The following KLHL28 variants were observed in gnomAD, a reference collection of about 807,000 sequenced individuals.
The protein encoded by KLHL28 is kelch-like protein 28.
In KLHL28, 22 loss-of-function variants were observed where a neutral mutation model predicts 48.3. The ratio of observed to expected loss-of-function variants is 0.46; its 90% CI spans 0.33 to 0.65. The LOEUF (loss-of-function observed/expected upper bound fraction) is 0.65. KLHL28 is among the 30% of genes least tolerant of loss of function. The probability of loss-of-function intolerance (pLI) is 0.03; values close to 1 mark genes in which losing one functional copy is unlikely to be tolerated. For synonymous variants in KLHL28, 243 were observed against 242.4 expected (o/e 1.00, Z -0.02); for missense variants, 527 against 704.3 (o/e 0.75, Z 2.85).
At chr14:44,951,527 G>C (rs1884579186) in intron 1 of KLHL28, among the ~76,000 whole-genome samples, 1 of 152,176 alleles carries the variant, frequency 6.6e-6, no homozygotes, top group Non-Finnish European at 1.5e-5. Context: ...TAGTAAGTAA[G>C]ACATTCTATT....
intron 2 of KLHL28, among the ~76,000 whole-genome samples, chr14:44,935,361 T>C (rs1883764322): frequency 6.6e-6 from 1 of 152,232 alleles, no homozygotes; most frequent in Non-Finnish European, 1.5e-5. Context: ...TTGAACTGGT[T>C]TGTAATGTTT....
chr14:44,937,785 G>A (rs540716707), intron 2 of KLHL28, among the ~76,000 whole-genome samples: 1 of 152,166 alleles, frequency 6.6e-6, no homozygotes, highest in Non-Finnish European at 1.5e-5. Context: ...TCTCATGGTA[G>A]AAGACATCAC....
chr14:44,934,462 T>C lies in KLHL28; in HGVS notation c.996A>G (p.Lys332=). 1 of 1,613,884 alleles carries C rather than the reference T, an allele frequency of 6.2e-7. No homozygotes were observed. The highest frequency in any genetic ancestry group is 8.5e-7 in the Non-Finnish European group (1 of 1,179,828). The change falls in exon 3 of 5, where the codon AAA becomes AAG. Residue 332 remains lysine (K), a synonymous_variant. Coordinates refer to ENST00000396128, the MANE Select transcript of KLHL28 (RefSeq NM_017658.5). The stretch of plus-strand genomic sequence containing the variant: ...TTGCAATACCACCTATAACATATAC[T>C]TTTTGGTCTAAAACGCATATTCCAA... ...YEFGICVLDQ[K]VYVIGGIATN... is the part of the protein sequence containing the mutation.
chr14:44,948,036 C>G (rs1259708359), intron 1 of KLHL28, among the ~76,000 whole-genome samples: 1 of 152,038 alleles, frequency 6.6e-6, no homozygotes, highest in Non-Finnish European at 1.5e-5. Flanking sequence ...CAGTGTTGAT[C>G]TTTTTAACCT....
rs371237149 is a variant in KLHL28 at position 44,926,800 on chromosome 14, G to C, written c.*2228C>G. 6.6e-6 allele frequency: 1 copy of C among 152,134 alleles called. No homozygotes were observed. The highest frequency in any genetic ancestry group is 6.6e-5 in the Admixed American group (1 of 15,256). 9.4% of individuals were successfully genotyped at this position (152,134 alleles called of 1,614,324 possible). A position where few individuals can be genotyped will look rare whatever the true frequency, so the allele number is the denominator to read the frequency against. On this transcript the variant is annotated 3_prime_UTR_variant, in exon 5 of 5. Coordinates refer to ENST00000396128, the MANE Select transcript of KLHL28 (RefSeq NM_017658.5). ...TGGGATTACAGGCGTGAGCCACTGCGCCCGTCCTAAAATCATTTTCCACAG... is the reference window on the plus strand; with the variant it reads ...TGGGATTACAGGCGTGAGCCACTGCCCCCGTCCTAAAATCATTTTCCACAG...
At position 44,928,894 on chromosome 14, in the gene KLHL28, A is replaced by G; in HGVS notation, c.*134T>C. On this transcript the variant is annotated 3_prime_UTR_variant, in exon 5 of 5. Coordinates refer to ENST00000396128, the MANE Select transcript of KLHL28 (RefSeq NM_017658.5). ...ACTTCTCAATTAAAAGTACCCAACA[A>G]AACTTTTGAGCCTTCATGCTACTTC... The G allele has an allele frequency of 1.4e-6, 1 of 692,834 alleles. No homozygotes were observed. Among genetic ancestry groups the G allele is most frequent in the African/African-American group, 1.8e-5 (1 of 55,208 alleles). The allele number at this position is 692,834 out of a possible 1,614,324, so 42.9% of individuals were successfully genotyped here. A position where few individuals can be genotyped will look rare whatever the true frequency, so the allele number is the denominator to read the frequency against.
chr14:44,933,509 A>G (rs1306782465), intron 3 of KLHL28, among the ~76,000 whole-genome samples: 1 of 152,042 alleles, frequency 6.6e-6, no homozygotes, highest in Non-Finnish European at 1.5e-5. Flanking sequence ...AATTTTCAAT[A>G]AAGGTTCAGA....
chr14:44,952,136 A>T (rs543630050), intron 1 of KLHL28, among the ~76,000 whole-genome samples: 1 of 152,308 alleles, frequency 6.6e-6, no homozygotes, highest in Non-Finnish European at 1.5e-5. Context: ...TTGGGATTAC[A>T]GGTGTGAGCC....
intron 2 of KLHL28, among the ~76,000 whole-genome samples, chr14:44,944,334 G>C (rs770571966): frequency 6.6e-6 from 1 of 152,238 alleles, no homozygotes; most frequent in African/African-American, 2.4e-5. Context: ...ATTCACTTAT[G>C]TATTATCTAT....
At chr14:44,955,272 C>T (rs1422618689) in intron 1 of KLHL28, among the ~76,000 whole-genome samples, 1 of 151,272 alleles carries the variant, frequency 6.6e-6, no homozygotes, top group Non-Finnish European at 1.5e-5. Flanking sequence ...TACATGTGAG[C>T]TATACATACA....
At position 44,925,244 on chromosome 14, in the gene KLHL28, A is replaced by C. The variant is rs1490614160; in HGVS notation, c.*3784T>G. 3 of 152,164 alleles carry C rather than the reference A, an allele frequency of 2.0e-5. No individual in the cohort carries two copies. The highest frequency in any genetic ancestry group is 4.4e-5 in the Non-Finnish European group (3 of 67,970). The allele number at this position is 152,164 out of a possible 1,614,324, so 9.4% of individuals were successfully genotyped here. A position where few individuals can be genotyped will look rare whatever the true frequency, so the allele number is the denominator to read the frequency against. On this transcript the variant is annotated 3_prime_UTR_variant, in exon 5 of 5. Coordinates refer to ENST00000396128, the MANE Select transcript of KLHL28 (RefSeq NM_017658.5). ...CTGATTTTCCTGAAAATGAGCACTT[A>C]GGTGACAATACCAGGAATCCAACAC...
intron 2 of KLHL28, among the ~76,000 whole-genome samples, chr14:44,935,048 T>C (rs1299275243): frequency 6.6e-6 from 1 of 152,194 alleles, no homozygotes; most frequent in Non-Finnish European, 1.5e-5. Flanking sequence ...TACAGTATTA[T>C]TTGTAACAGC....
At chr14:44,948,590 T>C (rs968883696) in intron 1 of KLHL28, among the ~76,000 whole-genome samples, 1 of 152,066 alleles carries the variant, frequency 6.6e-6, no homozygotes, top group African/African-American at 2.4e-5. Flanking sequence ...CAGCTTGAGG[T>C]GTTAAGAATA....
chr14:44,949,893 A>G (rs1884501881), intron 1 of KLHL28, among the ~76,000 whole-genome samples: 1 of 152,162 alleles, frequency 6.6e-6, no homozygotes, highest in South Asian at 2.1e-4. Context: ...ACTACAGAGG[A>G]GAAATTTTTG....
At position 44,929,013 on chromosome 14, in the gene KLHL28, G is replaced by T; in HGVS notation, c.*15C>A. On this transcript the variant is annotated 3_prime_UTR_variant, in exon 5 of 5. Transcript: ENST00000396128. ...CAAGTTTCACCACCATACTATTTCC[G>T]AGAGTTCACATTTGTCAAAGTGCAG... is the stretch of plus-strand genomic sequence containing the variant. The T allele has an allele frequency of 4.3e-6, 7 of 1,611,958 alleles. No homozygotes were observed. The highest frequency in any genetic ancestry group is 5.9e-6 in the Non-Finnish European group (7 of 1,178,740).
chr14:44,936,355 G>C (rs913879879), intron 2 of KLHL28, among the ~76,000 whole-genome samples: 2 of 151,990 alleles, frequency 1.3e-5, no homozygotes, highest in Non-Finnish European at 2.9e-5. Flanking sequence ...ATAGGAGAGA[G>C]ATAGGATAAA....
chr14:44,958,548 A>G (rs954302685), intron 1 of KLHL28, among the ~76,000 whole-genome samples: 1 of 152,166 alleles, frequency 6.6e-6, no homozygotes, highest in African/African-American at 2.4e-5. Context: ...ATAATGGTAT[A>G]TAATTCTATC....
At chr14:44,959,016 A>AT (rs1377544367) in intron 1 of KLHL28, among the ~76,000 whole-genome samples, 2 of 152,004 alleles carry the variant, frequency 1.3e-5, no homozygotes, top group Admixed American at 1.3e-4. Flanking sequence ...AAATATTTTG[A>AT]ATAGAAATCC....
At chr14:44,938,432 T>G (rs955375543) in intron 2 of KLHL28, among the ~76,000 whole-genome samples, 2 of 151,678 alleles carry the variant, frequency 1.3e-5, no homozygotes, top group Admixed American at 1.3e-4. Context: ...AGTGCAGTGG[T>G]GCAATCTCGG....
Sources: allele counts gnomAD v4.1 joint callset (sites outside exome capture counted in the v4.1 genomes callset), GRCh38; gene constraint gnomAD v4.1.1; transcripts MANE v1.5; gene names NCBI Gene and HGNC (gene_info 2026-07-23, HGNC 2026-07-21).